The following STXBP5L variants were observed in gnomAD, a reference collection of about 807,000 sequenced individuals.
STXBP5L encodes the protein syntaxin-binding protein 5-like.
A neutral mutation model predicts 144.5 loss-of-function variants in STXBP5L; 65 were observed. The observed-to-expected ratio is 0.45, with a 90% confidence interval of 0.37 to 0.55. The LOEUF (loss-of-function observed/expected upper bound fraction) is 0.55, where lower values mean the gene tolerates loss of function less well. Ranked by LOEUF, STXBP5L falls within the 20% of genes least tolerant of loss-of-function variation. The pLI is 0.00. For missense variants in STXBP5L, 1,298 were observed against 1,405.5 expected, an observed-to-expected ratio of 0.92 and a Z score of 1.22; for synonymous variants, 505 against 469.6, an observed-to-expected ratio of 1.08 and a Z score of -0.97.
intron 20 of STXBP5L, among the ~76,000 whole-genome samples, chr3:121,354,888 T>A (rs1382535786): frequency 1.3e-5 from 2 of 152,168 alleles, no homozygotes; most frequent in African/African-American, 2.4e-5. Context: ...GCAGGCTTGG[T>A]GGTGACAAAA....
intron 22 of STXBP5L, 136 bp downstream of exon 22, chr3:121,381,668 A>C: frequency 3.7e-6 from 4 of 1,083,478 alleles, no homozygotes; most frequent in Non-Finnish European, 5.1e-6. Context: ...TAAGAATTTT[A>C]TACATCATAT....
intron 3 of STXBP5L, among the ~76,000 whole-genome samples, chr3:120,967,911 C>T (rs1327055780): frequency 6.6e-6 from 1 of 152,120 alleles, no homozygotes; most frequent in Non-Finnish European, 1.5e-5. Flanking sequence ...TGTACAGTTT[C>T]TGATATTCCT....
chr3:121,092,428 G>C (rs888222808), intron 5 of STXBP5L, among the ~76,000 whole-genome samples: 1 of 152,126 alleles, frequency 6.6e-6, no homozygotes, highest in Non-Finnish European at 1.5e-5. Context: ...CCATTTGTTT[G>C]TATCCTCTTT....
chr3:121,349,379 T>A (rs1421887869), intron 20 of STXBP5L, among the ~76,000 whole-genome samples: 1 of 151,602 alleles, frequency 6.6e-6, no homozygotes, highest in Non-Finnish European at 1.5e-5. Context: ...TACTTCCAAC[T>A]ATGTGGTCAA....
At chr3:121,222,943 C>A in intron 10 of STXBP5L, 60 bp from the exon 11 acceptor site, 1 of 1,529,022 alleles carries the variant, frequency 6.5e-7, no homozygotes, top group East Asian at 2.3e-5. Flanking sequence ...AGGTTCAGTC[C>A]TGTGACTTTG....
intron 22 of STXBP5L, among the ~76,000 whole-genome samples, chr3:121,405,443 T>C (rs1251069454): frequency 6.6e-6 from 1 of 152,128 alleles, no homozygotes; most frequent in East Asian, 1.9e-4. Flanking sequence ...CACCACTATA[T>C]TGACTATGAC....
intron 3 of STXBP5L, among the ~76,000 whole-genome samples, chr3:121,035,967 C>A (rs1946721281): frequency 6.6e-6 from 1 of 152,038 alleles, no homozygotes; most frequent in Non-Finnish European, 1.5e-5. Context: ...CAAAGTATTT[C>A]TTGGTGCTGT....
chr3:121,191,472 G>T (rs1311868317), intron 9 of STXBP5L, among the ~76,000 whole-genome samples: 34 of 152,322 alleles, frequency 2.2e-4, no homozygotes, highest in African/African-American at 7.9e-4. Flanking sequence ...AGTTTGCAGT[G>T]AGTCGAGATA....
chr3:121,387,113 G>T (rs887391495), intron 22 of STXBP5L, among the ~76,000 whole-genome samples: 3 of 152,158 alleles, frequency 2.0e-5, no homozygotes, highest in Admixed American at 1.3e-4. Flanking sequence ...GGTGTGAGAT[G>T]GTATCTCATT....
chr3:120,985,539 CTT>C (rs1942209508), intron 3 of STXBP5L, among the ~76,000 whole-genome samples: 1 of 151,896 alleles, frequency 6.6e-6, no homozygotes, highest in Non-Finnish European at 1.5e-5. Flanking sequence ...CTAAATGAAA[CTT>C]TGCATTTTTT....
intron 24 of STXBP5L, 115 bp downstream of exon 24, chr3:121,413,438 C>A (rs923819589): frequency 5.5e-6 from 5 of 903,106 alleles, no homozygotes; most frequent in African/African-American, 5.2e-5. Flanking sequence ...CTTCCAATAA[C>A]ATGTTTTGAA....
At chr3:121,140,665 C>T (rs772724200) in intron 7 of STXBP5L, among the ~76,000 whole-genome samples, 7 of 152,122 alleles carry the variant, frequency 4.6e-5, no homozygotes, top group African/African-American at 7.2e-5. Flanking sequence ...TCATCTCACT[C>T]ATATGTGGAA....
At chr3:121,024,463 G>T (rs980884006) in intron 3 of STXBP5L, among the ~76,000 whole-genome samples, 7 of 152,112 alleles carry the variant, frequency 4.6e-5, no homozygotes, top group African/African-American at 1.7e-4. Context: ...TACTCTTGGT[G>T]TTTGAAATTC....
chr3:121,094,594 C>A (rs567552647), intron 5 of STXBP5L, among the ~76,000 whole-genome samples: 1 of 152,016 alleles, frequency 6.6e-6, no homozygotes, highest in Non-Finnish European at 1.5e-5. Context: ...AGGATTGCAA[C>A]CCCTGCCTTT....
At chr3:121,172,844 G>A (rs2046780187) in intron 9 of STXBP5L, among the ~76,000 whole-genome samples, 1 of 152,068 alleles carries the variant, frequency 6.6e-6, no homozygotes, top group African/African-American at 2.4e-5. Flanking sequence ...ATACCCAAAG[G>A]ATTTTAAATC....
intron 19 of STXBP5L, among the ~76,000 whole-genome samples, chr3:121,317,111 T>C (rs1057057316): frequency 2.0e-5 from 3 of 152,152 alleles, no homozygotes; most frequent in African/African-American, 7.2e-5. Flanking sequence ...ATTTCCAGAT[T>C]AATGGTAATA....
intron 2 of STXBP5L, among the ~76,000 whole-genome samples, chr3:120,943,826 CT>C (rs879485716): frequency 2.2e-3 from 308 of 142,386 alleles, no homozygotes; most frequent in African/African-American, 4.6e-3. Context: ...TCTTCTTCTT[CT>C]TTTTTTTTTT....
chr3:121,110,092 T>C (rs2043907272), intron 5 of STXBP5L, among the ~76,000 whole-genome samples: 2 of 152,208 alleles, frequency 1.3e-5, no homozygotes, highest in South Asian at 4.1e-4. Context: ...ATTTTGAGCC[T>C]ATGTGTGTCC....
intron 22 of STXBP5L, among the ~76,000 whole-genome samples, chr3:121,400,545 G>C (rs1230630672): frequency 1.3e-5 from 2 of 152,156 alleles, no homozygotes; most frequent in African/African-American, 2.4e-5. Context: ...TGGCAGGATG[G>C]GGTCTTATTG....
Sources: allele counts gnomAD v4.1 joint callset (sites outside exome capture counted in the v4.1 genomes callset), GRCh38; gene constraint gnomAD v4.1.1; transcripts MANE v1.5; gene names NCBI Gene and HGNC (gene_info 2026-07-23, HGNC 2026-07-21).